The following ST6GAL1 variants were observed in gnomAD, a reference collection of about 807,000 sequenced individuals.
The protein encoded by ST6GAL1 is beta-galactoside alpha-2,6-sialyltransferase 1.
A neutral mutation model predicts 38.0 loss-of-function variants in ST6GAL1; 20 were observed. The ratio of observed to expected loss-of-function variants is 0.53; its 90% CI spans 0.37 to 0.77. The LOEUF (loss-of-function observed/expected upper bound fraction) is 0.77, where lower values mean the gene tolerates loss of function less well. ST6GAL1 is among the 30% of genes least tolerant of loss of function. ST6GAL1 has a pLI of 0.00. For missense variants in ST6GAL1, 432 were observed against 496.4 expected (o/e 0.87, Z 1.23); for synonymous variants, 196 against 188.2 (o/e 1.04, Z -0.34).
chr3:187,057,006 T>TA (rs1485546221), intron 5 of ST6GAL1, among the ~76,000 whole-genome samples: 2 of 152,194 alleles, frequency 1.3e-5, no homozygotes, highest in African/African-American at 4.8e-5. Context: ...TGTTTCTTTT[T>TA]ACTCTTTTTT....
At chr3:186,934,425 G>A (rs1006868022) in intron 1 of ST6GAL1, among the ~76,000 whole-genome samples, 1 of 149,242 alleles carries the variant, frequency 6.7e-6, no homozygotes, top group East Asian at 2.0e-4. Flanking sequence ...AGCTGGGCAT[G>A]GTGGCGTACT....
At chr3:187,017,203 C>T (rs1005759540) in intron 2 of ST6GAL1, among the ~76,000 whole-genome samples, 1 of 152,130 alleles carries the variant, frequency 6.6e-6, no homozygotes, top group African/African-American at 2.4e-5. Context: ...ACTATGTCTA[C>T]CCTAGGCTGA....
chr3:186,982,751 G>A (rs554003006), intron 2 of ST6GAL1, among the ~76,000 whole-genome samples: 32 of 151,348 alleles, frequency 2.1e-4, no homozygotes, highest in African/African-American at 7.3e-4. Flanking sequence ...GTGTGATCTC[G>A]GCTCACTGCA....
chr3:186,947,012 G>C (rs141750689), intron 1 of ST6GAL1, among the ~76,000 whole-genome samples: 33 of 152,294 alleles, frequency 2.2e-4, no homozygotes, highest in African/African-American at 7.7e-4. Flanking sequence ...TGGGAGAAAG[G>C]ACCTTTCTGG....
intron 2 of ST6GAL1, among the ~76,000 whole-genome samples, chr3:187,037,962 G>A (rs1177844684): frequency 4.6e-5 from 7 of 151,088 alleles, no homozygotes; most frequent in South Asian, 2.1e-4. Flanking sequence ...AGTGTTTACC[G>A]TTTTATAACG....
intron 5 of ST6GAL1, among the ~76,000 whole-genome samples, chr3:187,062,009 C>A (rs985991943): frequency 3.3e-5 from 5 of 152,154 alleles, no homozygotes; most frequent in African/African-American, 9.7e-5. Flanking sequence ...ATATAGAACA[C>A]TCTTCAAACA....
chr3:186,985,448 GAA>G (rs1211237404), intron 2 of ST6GAL1, among the ~76,000 whole-genome samples: 2 of 151,500 alleles, frequency 1.3e-5, no homozygotes, highest in Non-Finnish European at 2.9e-5. Flanking sequence ...AGTAAGCGTA[GAA>G]TATAAAGCTT....
rs896906556 is a variant in ST6GAL1, at chr3:186,930,554, T to G, written c.-605T>G. 2.0e-5 allele frequency: 3 copies of G among 152,866 alleles called. No individual in the cohort carries two copies. Among genetic ancestry groups the G allele is most frequent in the African/African-American group, 7.2e-5 (3 of 41,458 alleles). 9.5% of individuals were successfully genotyped at this position (152,866 alleles called of 1,614,324 possible). On this transcript the variant is annotated 5_prime_UTR_variant, in exon 1 of 8. Transcript: ENST00000169298. ...CTTCTTCCTTCCTTCTCCAGTCCCT[T>G]CCACTGTGCGTCTTCTGTCCCCCGT... is the stretch of plus-strand genomic sequence containing the variant.
chr3:186,996,851 T>G (rs2108549843), intron 2 of ST6GAL1, among the ~76,000 whole-genome samples: 1 of 151,976 alleles, frequency 6.6e-6, no homozygotes, highest in Non-Finnish European at 1.5e-5. Flanking sequence ...TGTCCCCCGC[T>G]TCTTGCCCCT....
Position 187,054,284 on chromosome 3 carries a change from C to A in ST6GAL1, c.705+2938C>A, listed in dbSNP as rs187508811. ...ACTTCCTCTTTTCCTAATTGAATAC[C>A]CTTTATTTCTTTCTCTTGCCTGATT... On this transcript the variant is annotated intron_variant, in intron 5 of 7. Coordinates refer to ENST00000169298, the MANE Select transcript of ST6GAL1 (RefSeq NM_173216.2). Among the ~76,000 whole-genome samples, 71 of 152,142 alleles carry A rather than the reference C, an allele frequency of 4.7e-4. 1 individual carries two copies. The highest frequency in any genetic ancestry group is 6.8e-3 in the Middle Eastern group (2 of 294).
At chr3:187,069,512 A>T (rs1487556070) in intron 5 of ST6GAL1, among the ~76,000 whole-genome samples, 1 of 150,856 alleles carries the variant, frequency 6.6e-6, no homozygotes, top group Non-Finnish European at 1.5e-5. Flanking sequence ...TTTTTCCCTC[A>T]CTCTCAACAT....
chr3:187,048,119 AT>A (rs1184400694), intron 4 of ST6GAL1, among the ~76,000 whole-genome samples: 2 of 151,526 alleles, frequency 1.3e-5, no homozygotes, highest in Non-Finnish European at 2.9e-5. Context: ...ATTTTTTTGT[AT>A]TTTTAGTAGA....
At chr3:186,978,030 G>A (rs941626176) in intron 2 of ST6GAL1, among the ~76,000 whole-genome samples, 5 of 152,070 alleles carry the variant, frequency 3.3e-5, no homozygotes, top group Non-Finnish European at 7.4e-5. Context: ...CCTGGCCATG[G>A]TGAAACCCCA....
chr3:187,031,504 C>A (rs957050631), intron 2 of ST6GAL1, among the ~76,000 whole-genome samples: 1 of 150,144 alleles, frequency 6.7e-6, no homozygotes, highest in East Asian at 2.0e-4. Flanking sequence ...GGTGTGATCT[C>A]GGCTCACTGC....
chr3:187,012,249 T>G (rs928531262), intron 2 of ST6GAL1, among the ~76,000 whole-genome samples: 172 of 149,622 alleles, frequency 1.1e-3, no homozygotes, highest in Non-Finnish European at 2.7e-4. Flanking sequence ...TTTACTGCAT[T>G]TTTTTTCATT....
intron 2 of ST6GAL1, among the ~76,000 whole-genome samples, chr3:187,018,994 T>G (rs1231042657): frequency 1.3e-5 from 2 of 152,226 alleles, no homozygotes; most frequent in Non-Finnish European, 2.9e-5. Flanking sequence ...CTTTGTTTTA[T>G]GCTAAACTTT....
At chr3:186,962,741 A>G (rs1247638084) in intron 1 of ST6GAL1, among the ~76,000 whole-genome samples, 2 of 152,232 alleles carry the variant, frequency 1.3e-5, no homozygotes, top group African/African-American at 4.8e-5. Flanking sequence ...ACTATTTGCC[A>G]TTAGCCAAAA....
intron 2 of ST6GAL1, among the ~76,000 whole-genome samples, chr3:187,012,910 G>A (rs1005790365): frequency 3.9e-5 from 6 of 152,180 alleles, no homozygotes; most frequent in East Asian, 3.9e-4. Context: ...GTCTACCAGC[G>A]TTTCCTATGT....
chr3:187,043,167 T>C lies in ST6GAL1; in HGVS notation c.464T>C (p.Val155Ala), dbSNP rs1718186111. ...RDHVNVSMVE[V>A]TDFPFNTSEW... is the part of the protein sequence containing the mutation. ...CATGTGAATGTATCCATGGTAGAGG[T>C]CACAGATTTTCCCTTCAATACCTCT... Residue 155 changes from valine to alanine, a missense_variant, in exon 4 of 8, where the codon GTC becomes GCC. Coordinates refer to ENST00000169298, the MANE Select transcript of ST6GAL1 (RefSeq NM_173216.2). The C allele has an allele frequency of 1.2e-6, 2 of 1,613,878 alleles. No individual in the cohort carries two copies. Among genetic ancestry groups the C allele is most frequent in the South Asian group, 2.2e-5 (2 of 91,078 alleles).
Sources: allele counts gnomAD v4.1 joint callset (sites outside exome capture counted in the v4.1 genomes callset), GRCh38; gene constraint gnomAD v4.1.1; transcripts MANE v1.5; gene names NCBI Gene and HGNC (gene_info 2026-07-23, HGNC 2026-07-21).